The following MTM1 variants were observed in gnomAD, a reference collection of about 807,000 sequenced individuals.
MTM1 encodes myotubularin 1.
MTM1 carries 9 observed loss-of-function variants against 52.1 expected under a neutral mutation model. The ratio of observed to expected loss-of-function variants is 0.17; its 90% CI spans 0.10 to 0.30. The LOEUF is 0.30. Ranked by LOEUF, MTM1 falls within the 10% of genes least tolerant of loss-of-function variation. The pLI is 1.00. For synonymous variants in MTM1, 136 were observed against 163.8 expected, an observed-to-expected ratio of 0.83 and a Z score of 1.29; for missense variants, 277 against 470.7, an observed-to-expected ratio of 0.59 and a Z score of 3.81.
In MTM1 at chrX:150,614,751, A is replaced by G. The variant is rs1489786777; in HGVS notation, c.342+52A>G. On this transcript the variant is annotated intron_variant, in intron 5 of 14. Coordinates refer to ENST00000370396, the MANE Select transcript of MTM1 (RefSeq NM_000252.3). ...AAAGAACAAGGCACGTTAGTGTTGA[A>G]TGATAGTAGACAATTAATGTGGATT... 4 of 636,080 alleles carry G rather than the reference A, an allele frequency of 6.3e-6. No homozygotes were observed. The Admixed American group carries it at 7.4e-5, about 12-fold the overall frequency. 52.4% of individuals were successfully genotyped at this position (636,080 alleles called of 1,213,427 possible). A position where few individuals can be genotyped will look rare whatever the true frequency, so the allele number is the denominator to read the frequency against.
At position 150,638,794 on chromosome X, in the gene MTM1, T is replaced by G. The variant is rs190565210; in HGVS notation, c.445-149T>G. 5.7e-4 allele frequency: 255 copies of G among 451,155 alleles called. 1 individual carries two copies. The highest frequency in any genetic ancestry group is 4.9e-3 in the Middle Eastern group (8 of 1,623). 37.2% of individuals were successfully genotyped at this position (451,155 alleles called of 1,213,427 possible). On this transcript the variant is annotated intron_variant, in intron 6 of 14. Coordinates refer to ENST00000370396, the MANE Select transcript of MTM1 (RefSeq NM_000252.3). Reference sequence around the variant, plus strand: ...TGATCTGAGTTTTCCACTGTTTTTTTTTGTTGTTGTTGTTATAAGCCTTGG... The same window carrying G: ...TGATCTGAGTTTTCCACTGTTTTTTGTTGTTGTTGTTGTTATAAGCCTTGG...
At chrX:150,631,922 C>T (rs1156246362) in intron 6 of MTM1, among the ~76,000 whole-genome samples, 1 of 111,582 alleles carries the variant, frequency 9.0e-6, no homozygotes. Flanking sequence ...AAGAGGTTCT[C>T]GTTGCATTAA....
At chrX:150,576,864 A>G (rs782374583) in intron 1 of MTM1, among the ~76,000 whole-genome samples, 30 of 112,280 alleles carry the variant, frequency 2.7e-4, no homozygotes, top group Admixed American at 3.8e-4. Context: ...GTTTCAAAAC[A>G]TAGTATTTTC....
intron 6 of MTM1, among the ~76,000 whole-genome samples, chrX:150,637,549 A>G (rs1260696848): frequency 8.9e-6 from 1 of 112,175 alleles, no homozygotes; most frequent in Non-Finnish European, 1.9e-5. Flanking sequence ...ACATATGTAC[A>G]GTGAACAAGT....
intron 4 of MTM1, among the ~76,000 whole-genome samples, chrX:150,612,184 C>T (rs1420279825): frequency 1.1e-4 from 11 of 104,704 alleles, no homozygotes; most frequent in Admixed American, 7.1e-4. Context: ...GAGTGAGGTC[C>T]TGTCTCAAAA....
At chrX:150,569,634 A>T (rs189040524) in intron 1 of MTM1, among the ~76,000 whole-genome samples, 226 of 111,533 alleles carry the variant, frequency 2.0e-3, no homozygotes, top group African/African-American at 6.8e-3. Flanking sequence ...CTAATATCAC[A>T]AGCCAGCTCT....
chrX:150,584,660 A>G (rs944024415), intron 1 of MTM1, among the ~76,000 whole-genome samples: 5 of 111,420 alleles, frequency 4.5e-5, no homozygotes, highest in South Asian at 3.8e-4. Flanking sequence ...ATATCAAGGC[A>G]TAAGTACAGG....
chrX:150,628,761 G>T (rs2039614381), intron 6 of MTM1, among the ~76,000 whole-genome samples: 1 of 107,906 alleles, frequency 9.3e-6, no homozygotes, highest in South Asian at 4.1e-4. Flanking sequence ...TTGAGACAGG[G>T]TCTTGCTCTG....
At chrX:150,595,823 T>A (rs1557412591) in intron 2 of MTM1, among the ~76,000 whole-genome samples, 1 of 112,419 alleles carries the variant, frequency 8.9e-6, no homozygotes, top group Non-Finnish European at 1.9e-5. Context: ...ATGAGGCACA[T>A]GCTTGGGAAT....
chrX:150,667,790 C>T (rs2040327948), intron 14 of MTM1, among the ~76,000 whole-genome samples: 1 of 112,044 alleles, frequency 8.9e-6, no homozygotes, highest in South Asian at 3.7e-4. Flanking sequence ...AAGCAGCAAT[C>T]GCAGTAGAAA....
At chrX:150,583,541 TA>T (rs2038677231) in intron 1 of MTM1, among the ~76,000 whole-genome samples, 1 of 28,561 alleles carries the variant, frequency 3.5e-5, no homozygotes, top group Admixed American at 9.0e-4. Context: ...AAATTATATA[TA>T]TTATACATAA....
At chrX:150,583,287 A>G (rs1444647363) in intron 1 of MTM1, among the ~76,000 whole-genome samples, 1 of 58,492 alleles carries the variant, frequency 1.7e-5, no homozygotes, top group Non-Finnish European at 2.8e-5. Context: ...TTATAAATAT[A>G]TATAAATTAT....
chrX:150,620,638 C>T (rs1432725080), intron 6 of MTM1, among the ~76,000 whole-genome samples: 4 of 111,985 alleles, frequency 3.6e-5, no homozygotes, highest in Non-Finnish European at 5.6e-5. Flanking sequence ...CTGTCTTTTC[C>T]TTAAATGTAA....
chrX:150,611,686 C>T (rs782370653), intron 4 of MTM1, among the ~76,000 whole-genome samples: 25 of 111,217 alleles, frequency 2.2e-4, no homozygotes, highest in Admixed American at 2.0e-3. Context: ...CTTTTGTGCA[C>T]AGTTCTGTAG....
intron 6 of MTM1, among the ~76,000 whole-genome samples, chrX:150,634,496 T>C (rs1217026670): frequency 8.9e-6 from 1 of 112,257 alleles, no homozygotes; most frequent in Non-Finnish European, 1.9e-5. Flanking sequence ...GTCAGAGCTG[T>C]TTTTATCCCT....
chrX:150,654,111 G>T (rs1357483589), intron 10 of MTM1, among the ~76,000 whole-genome samples: 6 of 112,232 alleles, frequency 5.3e-5, no homozygotes, highest in African/African-American at 1.9e-4. Context: ...TCTTTCATCA[G>T]TCACAAGTCC....
At chrX:150,661,381 G>A (rs983248541) in intron 13 of MTM1, among the ~76,000 whole-genome samples, 46 of 111,575 alleles carry the variant, frequency 4.1e-4, no homozygotes, top group African/African-American at 1.4e-3. Context: ...CTATGACAGA[G>A]GTTCCCCCAA....
chrX:150,668,835 G>A (rs986716254), intron 14 of MTM1, among the ~76,000 whole-genome samples: 108 of 112,068 alleles, frequency 9.6e-4, no homozygotes, highest in African/African-American at 3.3e-3. Flanking sequence ...GTAGAAAGCA[G>A]GATGGTTCTG....
At chrX:150,607,782 T>C (rs2039195480) in intron 4 of MTM1, among the ~76,000 whole-genome samples, 1 of 111,934 alleles carries the variant, frequency 8.9e-6, no homozygotes, top group Non-Finnish European at 1.9e-5. Flanking sequence ...TTAAGCACTA[T>C]GCCAGGTGCT....
Sources: gnomAD v4.1 joint callset for allele counts (sites outside exome capture counted in the v4.1 genomes callset) on GRCh38, gnomAD v4.1.1 for gene constraint, MANE v1.5 for transcripts, NCBI Gene and HGNC (gene_info 2026-07-23, HGNC 2026-07-21) for gene names.